The following CSMD3 variants were observed in gnomAD, a reference collection of about 807,000 sequenced individuals.
CSMD3 encodes the protein CUB and sushi domain-containing protein 3.
In CSMD3, 177 loss-of-function variants were observed where a neutral mutation model predicts 435.2. The observed-to-expected ratio is 0.41, with a 90% confidence interval of 0.36 to 0.46. The LOEUF is 0.46. Among genes scored for constraint, CSMD3 ranks in the 20% least tolerant of loss-of-function variants. CSMD3 has a pLI of 0.34. For missense variants in CSMD3, 4,265 were observed against 4,504.6 expected (o/e 0.95, Z 1.52); for synonymous variants, 1,656 against 1,520.5 (o/e 1.09, Z -2.07).
intron 13 of CSMD3, among the ~76,000 whole-genome samples, chr8:112,696,306 G>A (rs1177391851): frequency 6.6e-6 from 1 of 152,080 alleles, no homozygotes; most frequent in African/African-American, 2.4e-5. Context: ...GAGGCATCAT[G>A]CTACCTGACT....
intron 12 of CSMD3, among the ~76,000 whole-genome samples, chr8:112,811,962 G>T (rs2132391597): frequency 6.6e-6 from 1 of 152,230 alleles, no homozygotes; most frequent in East Asian, 1.9e-4. Context: ...GGCTACAGAG[G>T]AAAGAGTCAT....
chr8:112,631,567 C>G (rs2074516004), intron 22 of CSMD3, among the ~76,000 whole-genome samples: 1 of 151,990 alleles, frequency 6.6e-6, no homozygotes, highest in Non-Finnish European at 1.5e-5. Context: ...CATTTCTGAG[C>G]ATGCATTTTC....
intron 3 of CSMD3, among the ~76,000 whole-genome samples, chr8:113,254,377 G>A (rs1043445517): frequency 3.3e-5 from 5 of 152,176 alleles, no homozygotes; most frequent in Non-Finnish European, 4.4e-5. Context: ...GGGTCCAGGC[G>A]TGTTCAGCAT....
intron 25 of CSMD3, among the ~76,000 whole-genome samples, chr8:112,553,832 C>T (rs1827891983): frequency 6.6e-6 from 1 of 151,890 alleles, no homozygotes; most frequent in African/African-American, 2.4e-5. Context: ...TATATGTTAA[C>T]TTGTTTTAAA....
intron 7 of CSMD3, among the ~76,000 whole-genome samples, chr8:112,962,038 T>C (rs2084250964): frequency 6.6e-6 from 1 of 152,002 alleles, no homozygotes; most frequent in Non-Finnish European, 1.5e-5. Context: ...TTTAAAACTG[T>C]CTGCCCTTAA....
chr8:112,781,391 A>T (rs1468971382), intron 13 of CSMD3, among the ~76,000 whole-genome samples: 2 of 152,060 alleles, frequency 1.3e-5, no homozygotes, highest in East Asian at 1.9e-4. Flanking sequence ...CAACTTGGGT[A>T]CCAACTCAGC....
rs7017124 is a variant in CSMD3, at chr8:112,432,962, A to G, written c.5396-23930T>C. On this transcript the variant is annotated intron_variant, in intron 32 of 70. Coordinates refer to ENST00000297405, the MANE Select transcript of CSMD3 (RefSeq NM_198123.2). ...TTATAATGATATCAGGTGCTAAACT[A>G]TTAATTTCCAAACAGTTACAACTTA... 7.9e-3 allele frequency among the ~76,000 whole-genome samples: 1,202 copies of G among 152,154 alleles called. 16 individuals carry two copies. Among genetic ancestry groups the G allele is most frequent in the African/African-American group, 0.028 (1,148 of 41,532 alleles).
chr8:112,546,385 A>G (rs1441129394), intron 27 of CSMD3, among the ~76,000 whole-genome samples: 1 of 152,212 alleles, frequency 6.6e-6, no homozygotes, highest in Non-Finnish European at 1.5e-5. Context: ...AGAGCAGTGC[A>G]GGGAACAATA....
intron 24 of CSMD3, among the ~76,000 whole-genome samples, chr8:112,571,351 C>T (rs1409727427): frequency 6.6e-6 from 1 of 151,902 alleles, no homozygotes; most frequent in Non-Finnish European, 1.5e-5. Flanking sequence ...CAAATATTTG[C>T]TAATTAAAAT....
intron 6 of CSMD3, among the ~76,000 whole-genome samples, chr8:112,997,332 G>A (rs1043431520): frequency 6.6e-5 from 10 of 151,442 alleles, no homozygotes; most frequent in Non-Finnish European, 1.3e-4. Flanking sequence ...GTATTCTTGA[G>A]CATCTGTCTT....
At chr8:113,402,437 G>A (rs1020651986) in intron 1 of CSMD3, among the ~76,000 whole-genome samples, 1 of 151,180 alleles carries the variant, frequency 6.6e-6, no homozygotes. Context: ...ATAACACCAA[G>A]GTTTATGTAC....
chr8:112,596,087 CA>C (rs746689738), intron 22 of CSMD3, among the ~76,000 whole-genome samples: 2 of 151,352 alleles, frequency 1.3e-5, no homozygotes, highest in African/African-American at 2.4e-5. Flanking sequence ...GATAAAGAGT[CA>C]AGACCCATCA....
chr8:112,492,534 C>A lies in CSMD3; in HGVS notation c.5233G>T (p.Asp1745Tyr), dbSNP rs1293169308. The change falls in exon 31 of 71, where the codon GAT becomes TAT. Residue 1745 changes from aspartate (D) to tyrosine (Y), a missense_variant. By Grantham distance (160) the Asp-to-Tyr change is radical (BLOSUM62 -3). Coordinates refer to ENST00000297405, the MANE Select transcript of CSMD3 (RefSeq NM_198123.2). Reference sequence around the variant, plus strand: ...CTATTCCATCCAGGTCTTCCATCATCTCCCATGATACAGGTGAGTGTTGAA... The same window carrying A: ...CTATTCCATCCAGGTCTTCCATCATATCCCATGATACAGGTGAGTGTTGAA... ...GYSTLTCIMGDDGRPGWNRAL... is the reference protein window; with the variant it reads ...GYSTLTCIMGYDGRPGWNRAL... 2 of 1,613,966 alleles carry A rather than the reference C, an allele frequency of 1.2e-6. No homozygotes were observed. The highest frequency in any genetic ancestry group is 1.7e-6 in the Non-Finnish European group (2 of 1,179,880).
rs952087724 is a variant in CSMD3, at chr8:112,706,245, C to CA, written c.1973-16196dup. Among the ~76,000 whole-genome samples, 333 of 148,640 alleles carry CA rather than the reference C, an allele frequency of 2.2e-3. 1 individual carries two copies. Among genetic ancestry groups the CA allele is most frequent in the African/African-American group, 7.5e-3 (306 of 40,672 alleles). On this transcript the variant is annotated intron_variant, in intron 13 of 70. Coordinates refer to ENST00000297405, the MANE Select transcript of CSMD3 (RefSeq NM_198123.2). ...ATTCATTCAAATATCTATCACTATT[C>CA]AAAAAAAAAATCTTGAAATTGTACT...
intron 27 of CSMD3, among the ~76,000 whole-genome samples, chr8:112,537,185 A>T (rs563757705): frequency 9.2e-5 from 14 of 152,108 alleles, no homozygotes; most frequent in South Asian, 2.1e-4. Flanking sequence ...TAAAATAAAA[A>T]AAAAGATTTC....
intron 32 of CSMD3, among the ~76,000 whole-genome samples, chr8:112,420,429 A>G (rs1454008206): frequency 6.6e-6 from 1 of 152,170 alleles, no homozygotes; most frequent in Non-Finnish European, 1.5e-5. Context: ...TAATTTCTTT[A>G]TTTCATCAAA....
intron 3 of CSMD3, among the ~76,000 whole-genome samples, chr8:113,253,579 C>T (rs1056057317): frequency 5.9e-5 from 9 of 151,864 alleles, no homozygotes; most frequent in African/African-American, 9.7e-5. Flanking sequence ...TGGTGGCTCA[C>T]GCTTGTAATC....
At chr8:113,312,501 G>A (rs570113217) in intron 2 of CSMD3, 1 of 152,142 alleles carries the variant, frequency 6.6e-6, no homozygotes, top group Admixed American at 6.5e-5. Flanking sequence ...TCCTAACTTC[G>A]CAATTTTTTA....
chr8:113,337,607 G>A (rs987871386), intron 1 of CSMD3, among the ~76,000 whole-genome samples: 1 of 151,918 alleles, frequency 6.6e-6, no homozygotes, highest in Non-Finnish European at 1.5e-5. Context: ...GAAAGCACAA[G>A]AGAAAATTTA....
Sources: gnomAD v4.1 joint callset for allele counts (sites outside exome capture counted in the v4.1 genomes callset) on GRCh38, gnomAD v4.1.1 for gene constraint, MANE v1.5 for transcripts, NCBI Gene and HGNC (gene_info 2026-07-23, HGNC 2026-07-21) for gene names.